ADAM12: variants seen among roughly 807,000 people sequenced by gnomAD.
ADAM12 encodes ADAM metallopeptidase domain 12, also known as disintegrin and metalloproteinase domain-containing protein 12.
In ADAM12, 70 loss-of-function variants were observed where a neutral mutation model predicts 106.4. The ratio of observed to expected loss-of-function variants is 0.66; its 90% CI spans 0.54 to 0.80. ADAM12 has a LOEUF of 0.80. Among genes scored for constraint, ADAM12 ranks in the 30% least tolerant of loss-of-function variants. The pLI is 0.00. For synonymous variants in ADAM12, 420 were observed against 433.5 expected, an observed-to-expected ratio of 0.97 and a Z score of 0.39; for missense variants, 1,010 against 1,171.9, an observed-to-expected ratio of 0.86 and a Z score of 2.02.
At chr10:126,350,643 C>T (rs534865286) in intron 1 of ADAM12, among the ~76,000 whole-genome samples, 49 of 152,238 alleles carry the variant, frequency 3.2e-4, no homozygotes, top group Non-Finnish European at 5.3e-4. Context: ...AGTCTTGTGT[C>T]GGATGTCTCC....
At position 126,155,340 on chromosome 10, in the gene ADAM12, T is replaced by C. The variant is rs765593217; in HGVS notation, c.261-35A>G. On this transcript the variant is annotated intron_variant, in intron 3 of 22. Coordinates refer to ENST00000448723, the MANE Select transcript of ADAM12 (RefSeq NM_001288973.2). ...AACAAAAACACCATAAAAAGATGAG[T>C]GCAGAATTGCATTGATACATTGTTG... 45 of 1,564,228 alleles carry C rather than the reference T, an allele frequency of 2.9e-5. No individual in the cohort carries two copies. In the South Asian group the frequency reaches 4.4e-4, roughly 15 times the overall value.
chr10:126,358,066 T>C (rs1260898588), intron 1 of ADAM12, among the ~76,000 whole-genome samples: 1 of 151,620 alleles, frequency 6.6e-6, no homozygotes, highest in African/African-American at 2.4e-5. Context: ...TAGTCCCAGC[T>C]ACTCAGGAGG....
chr10:126,331,408 A>C (rs974883793), intron 1 of ADAM12, among the ~76,000 whole-genome samples: 1 of 152,200 alleles, frequency 6.6e-6, no homozygotes, highest in African/African-American at 2.4e-5. Context: ...TTAAGTTACT[A>C]AAGAGTTCAC....
At chr10:126,187,534 G>A (rs191252559) in intron 3 of ADAM12, among the ~76,000 whole-genome samples, 335 of 152,270 alleles carry the variant, frequency 2.2e-3, no homozygotes, top group Non-Finnish European at 3.7e-3. Flanking sequence ...TCATCATGAG[G>A]TGGGAGCCCA....
chr10:126,253,702 G>A (rs1032294453), intron 3 of ADAM12, among the ~76,000 whole-genome samples: 1 of 152,090 alleles, frequency 6.6e-6, no homozygotes, highest in Non-Finnish European at 1.5e-5. Flanking sequence ...TGGGTGGGGG[G>A]AGGGCTTCTG....
chr10:126,289,867 C>T (rs772712132), intron 2 of ADAM12, among the ~76,000 whole-genome samples: 11 of 152,144 alleles, frequency 7.2e-5, no homozygotes, highest in African/African-American at 9.7e-5. Flanking sequence ...GATAACAAAA[C>T]GCTTTTCCTA....
rs180896662 is a variant in ADAM12, at chr10:126,161,949, G to A, written c.261-6644C>T. 5.0e-3 allele frequency among the ~76,000 whole-genome samples: 764 copies of A among 152,280 alleles called. 6 individuals carry two copies. Among genetic ancestry groups the A allele is most frequent in the African/African-American group, 0.018 (736 of 41,554 alleles). On this transcript the variant is annotated intron_variant, in intron 3 of 22. Coordinates refer to ENST00000448723, the MANE Select transcript of ADAM12 (RefSeq NM_001288973.2). ...CTTATTAGATTAGGCGATCTAACAA[G>A]GCACTCTGCTTCTCTCAATACCAGG... is the stretch of plus-strand genomic sequence containing the variant.
intron 1 of ADAM12, among the ~76,000 whole-genome samples, chr10:126,378,631 G>C (rs1856380977): frequency 6.6e-6 from 1 of 152,266 alleles, no homozygotes; most frequent in African/African-American, 2.4e-5. Context: ...TCTGCAAAAG[G>C]AAGACTGAGA....
At chr10:126,135,885 A>C (rs1367160068) in intron 4 of ADAM12, among the ~76,000 whole-genome samples, 1 of 152,238 alleles carries the variant, frequency 6.6e-6, no homozygotes, top group Non-Finnish European at 1.5e-5. Context: ...AATGAACCCT[A>C]GTTTCACTCT....
intron 2 of ADAM12, among the ~76,000 whole-genome samples, chr10:126,328,034 A>G (rs951197080): frequency 2.6e-5 from 4 of 152,208 alleles, no homozygotes; most frequent in African/African-American, 9.7e-5. Flanking sequence ...TATTGAAAAA[A>G]CTATCTTTCC....
rs546579938 is a variant in ADAM12 at position 126,035,973 on chromosome 10, G to A, written c.2529+173C>T. 2.7e-4 allele frequency among the ~76,000 whole-genome samples: 41 copies of A among 151,956 alleles called. No homozygotes were observed. The South Asian group carries it at 8.2e-3, about 30-fold the overall frequency. On this transcript the variant is annotated intron_variant, in intron 21 of 22. Transcript: ENST00000448723. ...TGACACTCTTATTATTATACTCCAG[G>A]CACCAAACTAACTGCTTTATGTGGA...
At position 126,042,993 on chromosome 10, in the gene ADAM12, C is replaced by A. The variant is rs772337338; in HGVS notation, c.2104+47G>T. On this transcript the variant is annotated intron_variant, in intron 18 of 22. Transcript: ENST00000448723. ...CTGACAGCTGGCGAGCCCACCCGCC[C>A]CCAGGTGCTCAGCCTCCTCCCACCG... 1.0e-5 allele frequency: 16 copies of A among 1,582,706 alleles called. No individual in the cohort carries two copies. The Middle Eastern group carries it at 1.0e-3, about 104-fold the overall frequency.
At chr10:126,358,123 G>A (rs1855606962) in intron 1 of ADAM12, among the ~76,000 whole-genome samples, 1 of 149,978 alleles carries the variant, frequency 6.7e-6, no homozygotes, top group South Asian at 2.1e-4. Flanking sequence ...AACCTGCAGT[G>A]AGCCGAGATC....
chr10:126,201,513 G>A (rs1162474975), intron 3 of ADAM12, among the ~76,000 whole-genome samples: 1 of 152,142 alleles, frequency 6.6e-6, no homozygotes, highest in Non-Finnish European at 1.5e-5. Context: ...GAGGGAACGT[G>A]GCCCTGCCAG....
At chr10:126,023,013 T>C (rs185075527) in intron 21 of ADAM12, among the ~76,000 whole-genome samples, 3 of 152,276 alleles carry the variant, frequency 2.0e-5, no homozygotes, top group Admixed American at 6.5e-5. Flanking sequence ...TCAGCTGTTA[T>C]CAACTTCACA....
chr10:126,264,193 G>A (rs1244097082), intron 3 of ADAM12, among the ~76,000 whole-genome samples: 1 of 152,114 alleles, frequency 6.6e-6, no homozygotes, highest in East Asian at 1.9e-4. Context: ...AACTCCCAAG[G>A]AACTTCTGTG....
chr10:126,309,796 AATATGGACT>A (rs1961002887), intron 2 of ADAM12, among the ~76,000 whole-genome samples: 1 of 152,162 alleles, frequency 6.6e-6, no homozygotes. Context: ...GACAGTTGTA[AATATGGACT>A]TCAGCCTTGC....
intron 1 of ADAM12, among the ~76,000 whole-genome samples, chr10:126,351,249 C>T (rs1442332956): frequency 6.6e-6 from 1 of 151,758 alleles, no homozygotes; most frequent in African/African-American, 2.4e-5. Context: ...CTCGGCTTTC[C>T]TGCAGCTGTC....
Position 126,027,287 on chromosome 10 carries a change from A to G in ADAM12, c.2530-7462T>C, listed in dbSNP as rs1295961492. Among the ~76,000 whole-genome samples, 5 of 152,222 alleles carry G rather than the reference A, an allele frequency of 3.3e-5. No individual in the cohort carries two copies. In the East Asian group the frequency reaches 7.7e-4, roughly 23 times the overall value. On this transcript the variant is annotated intron_variant, in intron 21 of 22. Coordinates refer to ENST00000448723, the MANE Select transcript of ADAM12 (RefSeq NM_001288973.2). ...CCAGGCAGATTCACAGCTGAACTCT[A>G]CAAGAGGTAGAAAATAGAGCTGGTA...
Sources: gnomAD v4.1 joint callset for allele counts (sites outside exome capture counted in the v4.1 genomes callset) on GRCh38, gnomAD v4.1.1 for gene constraint, MANE v1.5 for transcripts, NCBI Gene and HGNC (gene_info 2026-07-23, HGNC 2026-07-21) for gene names.